Variants in TRPM3 observed in about 807,000 individuals in gnomAD.
TRPM3 encodes the protein transient receptor potential cation channel subfamily M member 3, also known as long transient receptor potential channel 3.
TRPM3 carries 77 observed loss-of-function variants against 181.2 expected under a neutral mutation model. The ratio of observed to expected loss-of-function variants is 0.42; its 90% CI spans 0.35 to 0.51. The LOEUF is 0.51. Ranked by LOEUF, TRPM3 falls within the 20% of genes least tolerant of loss-of-function variation. The probability of loss-of-function intolerance (pLI) is 0.01; values close to 1 mark genes in which losing one functional copy is unlikely to be tolerated. For missense variants in TRPM3, 1,759 were observed against 2,196.7 expected (o/e 0.80, Z 3.98); for synonymous variants, 745 against 796.4 (o/e 0.94, Z 1.09).
At chr9:71,417,184 T>C (rs1011152693) in intron 1 of TRPM3, among the ~76,000 whole-genome samples, 2 of 152,000 alleles carry the variant, frequency 1.3e-5, no homozygotes, top group African/African-American at 2.4e-5. Context: ...CCAAATGGTA[T>C]ATGCACGTTA....
At chr9:70,929,002 T>C (rs1178499663) in intron 1 of TRPM3, among the ~76,000 whole-genome samples, 1 of 152,186 alleles carries the variant, frequency 6.6e-6, no homozygotes. Context: ...CCAGCTACTG[T>C]CTTCCTCCAT....
intron 1 of TRPM3, among the ~76,000 whole-genome samples, chr9:70,987,964 A>G (rs949378355): frequency 3.3e-5 from 5 of 152,132 alleles, no homozygotes; most frequent in African/African-American, 9.6e-5. Flanking sequence ...TACTCCTTAT[A>G]ATTTATTATC....
At chr9:71,308,822 A>T (rs1199128815) in intron 1 of TRPM3, among the ~76,000 whole-genome samples, 2 of 144,864 alleles carry the variant, frequency 1.4e-5, no homozygotes, top group African/African-American at 4.9e-5. Flanking sequence ...TGAGATTATG[A>T]CAACAATTCT....
At position 70,843,050 on chromosome 9, in the gene TRPM3, C is replaced by A. The variant is rs1282085183; in HGVS notation, c.754G>T (p.Ala252Ser). The change falls in exon 5 of 26, where the codon GCC (alanine) becomes TCC (serine). Residue 252 changes from alanine to serine, a missense_variant. Physicochemically the swap from Ala to Ser is moderately conservative, Grantham distance 99. Coordinates refer to ENST00000677713, the MANE Select transcript of TRPM3 (RefSeq NM_001366145.2). ...TGGTTTTCCACAATTCCCCAGGGGG[C>A]AATACCTATGGTGCATATCTTTCCT... ...SRGKICTIGI[A>S]PWGIVENQED... 1 of 1,613,376 alleles carries A rather than the reference C, an allele frequency of 6.2e-7. No individual in the cohort carries two copies. Among genetic ancestry groups the A allele is most frequent in the Non-Finnish European group, 8.5e-7 (1 of 1,179,784 alleles).
intron 1 of TRPM3, among the ~76,000 whole-genome samples, chr9:70,888,257 T>A (rs1473958568): frequency 6.6e-6 from 1 of 152,114 alleles, no homozygotes; most frequent in Non-Finnish European, 1.5e-5. Flanking sequence ...CAGCACATAG[T>A]AGGTACCTGA....
At chr9:71,362,687 G>C (rs992074078) in intron 1 of TRPM3, among the ~76,000 whole-genome samples, 1 of 152,076 alleles carries the variant, frequency 6.6e-6, no homozygotes, top group Non-Finnish European at 1.5e-5. Flanking sequence ...CTGAACATAA[G>C]CGATAACAAT....
intron 5 of TRPM3, among the ~76,000 whole-genome samples, chr9:70,839,583 A>G (rs191431997): frequency 3.3e-5 from 5 of 152,312 alleles, no homozygotes. Context: ...AACATAATTT[A>G]TATTTTCCAT....
At chr9:70,692,320 G>A (rs959549303) in intron 8 of TRPM3, among the ~76,000 whole-genome samples, 1 of 152,202 alleles carries the variant, frequency 6.6e-6, no homozygotes, top group African/African-American at 2.4e-5. Context: ...ATAAATAATA[G>A]TGTGATGAAC....
intron 8 of TRPM3, among the ~76,000 whole-genome samples, chr9:70,757,788 G>A (rs1298303499): frequency 2.0e-5 from 3 of 152,158 alleles, no homozygotes; most frequent in African/African-American, 7.2e-5. Context: ...ACCCCTTCAT[G>A]CTAAAAACTC....
At chr9:71,366,735 C>T (rs939309468) in intron 1 of TRPM3, among the ~76,000 whole-genome samples, 2 of 151,910 alleles carry the variant, frequency 1.3e-5, no homozygotes, top group African/African-American at 2.4e-5. Context: ...GACAGCTATA[C>T]CTAAAATAAA....
intron 1 of TRPM3, among the ~76,000 whole-genome samples, chr9:71,382,470 G>A (rs576970514): frequency 1.3e-5 from 2 of 152,126 alleles, no homozygotes; most frequent in African/African-American, 4.8e-5. Flanking sequence ...CTTACTCTAG[G>A]TACAGTGGGA....
rs141561149 is a variant in TRPM3 at position 70,639,474 on chromosome 9, AG to A, written c.1447-281del. Among the ~76,000 whole-genome samples, 12 of 152,274 alleles carry A rather than the reference AG, an allele frequency of 7.9e-5. No individual in the cohort carries two copies. The East Asian group carries it at 2.3e-3, about 29-fold the overall frequency. On this transcript the variant is annotated intron_variant, in intron 10 of 25. Coordinates refer to ENST00000677713, the MANE Select transcript of TRPM3 (RefSeq NM_001366145.2). ...TTGTTCTGGATCCCAAGAAGGTGCA[AG>A]GGTTCACAAGGTTTTTCCCCTTGCA...
rs532432873 is a variant in TRPM3, at chr9:70,908,024, AG to A, written c.178-43514del. Reference sequence around the variant, plus strand: ...AGTGCTTCAATAAACATACTAGTGCAGGTATACTTTTGGGAGGACAATTTAT... The same window carrying A: ...AGTGCTTCAATAAACATACTAGTGCAGTATACTTTTGGGAGGACAATTTAT... On this transcript the variant is annotated intron_variant, in intron 1 of 25. Coordinates refer to ENST00000677713, the MANE Select transcript of TRPM3 (RefSeq NM_001366145.2). Among the ~76,000 whole-genome samples, 542 of 152,276 alleles carry A rather than the reference AG, an allele frequency of 3.6e-3. 3 individuals carry two copies. The highest frequency in any genetic ancestry group is 0.011 in the African/African-American group (475 of 41,558).
rs75010927 is a variant in TRPM3 at position 70,912,551 on chromosome 9, G to A, written c.178-48040C>T. On this transcript the variant is annotated intron_variant, in intron 1 of 25. Transcript: ENST00000677713. ...ATAGTGCTGATAGTAGATAAGGAAA[G>A]TGAGGAGAGTAAGGAAATGTGAAAA... is the stretch of plus-strand genomic sequence containing the variant. Among the ~76,000 whole-genome samples, 1,174 of 152,274 alleles carry A rather than the reference G, an allele frequency of 7.7e-3. 11 individuals carry two copies. The highest frequency in any genetic ancestry group is 0.027 in the African/African-American group (1,102 of 41,550).
intron 6 of TRPM3, among the ~76,000 whole-genome samples, chr9:70,819,536 T>C (rs2092988118): frequency 6.6e-6 from 1 of 152,152 alleles, no homozygotes; most frequent in Non-Finnish European, 1.5e-5. Context: ...ATGTCAGATA[T>C]TACTATAGGG....
intron 1 of TRPM3, among the ~76,000 whole-genome samples, chr9:71,043,999 T>G (rs2059134340): frequency 6.6e-6 from 1 of 152,116 alleles, no homozygotes; most frequent in Admixed American, 6.6e-5. Context: ...CCCAACTGAT[T>G]CTCTTTTTAT....
chr9:71,205,754 A>G (rs1233905136), intron 1 of TRPM3, among the ~76,000 whole-genome samples: 1 of 152,212 alleles, frequency 6.6e-6, no homozygotes, highest in Non-Finnish European at 1.5e-5. Context: ...TAGTCTGGAA[A>G]GTGATTCATT....
At chr9:71,436,846 C>G (rs997875683) in intron 1 of TRPM3, among the ~76,000 whole-genome samples, 3 of 152,182 alleles carry the variant, frequency 2.0e-5, no homozygotes, top group Non-Finnish European at 4.4e-5. Context: ...TTACTTTCAG[C>G]CACTAAGTTT....
At chr9:71,208,291 C>T (rs185614498) in intron 1 of TRPM3, among the ~76,000 whole-genome samples, 1 of 152,104 alleles carries the variant, frequency 6.6e-6, no homozygotes, top group Non-Finnish European at 1.5e-5. Context: ...GTAAAGGGAA[C>T]AGCAAGAGTA....
Sources: gnomAD v4.1 joint callset for allele counts (sites outside exome capture counted in the v4.1 genomes callset) on GRCh38, gnomAD v4.1.1 for gene constraint, MANE v1.5 for transcripts, NCBI Gene and HGNC (gene_info 2026-07-23, HGNC 2026-07-21) for gene names.